Variants in PELI2 observed in about 807,000 individuals in gnomAD.
PELI2 encodes the protein pellino E3 ubiquitin protein ligase family member 2.
Under a neutral mutation model 42.3 loss-of-function variants are expected in PELI2, and 23 were observed. The observed-to-expected ratio is 0.54, with a 90% CI of 0.39 to 0.77. The LOEUF (loss-of-function observed/expected upper bound fraction) is 0.77. PELI2 is among the 30% of genes least tolerant of loss of function. PELI2 has a pLI of 0.00. For missense variants in PELI2, 463 were observed against 553.2 expected (o/e 0.84, Z 1.64); for synonymous variants, 245 against 212.2 (o/e 1.15, Z -1.34).
chr14:56,247,097 A>G (rs1888189335), intron 2 of PELI2, among the ~76,000 whole-genome samples: 1 of 152,198 alleles, frequency 6.6e-6, no homozygotes, highest in South Asian at 2.1e-4. Flanking sequence ...ATGGACCTGT[A>G]GAATTGTGTC....
At chr14:56,128,128 C>A (rs776119711) in intron 1 of PELI2, among the ~76,000 whole-genome samples, 1 of 152,122 alleles carries the variant, frequency 6.6e-6, no homozygotes, top group Non-Finnish European at 1.5e-5. Context: ...TCTAAACATA[C>A]ACACTAAACA....
chr14:56,296,446 G>A (rs988347666), intron 5 of PELI2, among the ~76,000 whole-genome samples, 154 bp from the exon 6 acceptor site: 2 of 152,240 alleles, frequency 1.3e-5, no homozygotes, highest in African/African-American at 4.8e-5. Flanking sequence ...GAGGCTCGGG[G>A]AGGATAGGTT....
At chr14:56,271,226 G>A (rs1255079035) in intron 2 of PELI2, among the ~76,000 whole-genome samples, 6 of 152,134 alleles carry the variant, frequency 3.9e-5, no homozygotes, top group South Asian at 2.1e-4. Context: ...CCGCACGCTC[G>A]CTGTAAACTC....
At chr14:56,238,674 A>C (rs909821905) in intron 2 of PELI2, among the ~76,000 whole-genome samples, 1 of 152,176 alleles carries the variant, frequency 6.6e-6, no homozygotes, top group African/African-American at 2.4e-5. Context: ...AATTTCAGGC[A>C]CTGAATTTGG....
intron 1 of PELI2, among the ~76,000 whole-genome samples, chr14:56,175,903 G>T (rs1885360887): frequency 6.6e-6 from 1 of 152,276 alleles, no homozygotes; most frequent in South Asian, 2.1e-4. Flanking sequence ...GCTTGTCTCT[G>T]TTCTGCTTCC....
At position 56,180,417 on chromosome 14, in the gene PELI2, G is replaced by A. The variant is rs1885536685; in HGVS notation, c.207+1953G>A. On this transcript the variant is annotated intron_variant, in intron 2 of 5. Transcript: ENST00000267460. This position sits in a 1 kb window ranked among gnomAD's most constrained non-coding sequence, Gnocchi z 4.4. Reference sequence around the variant, plus strand: ...TTGAGTAACCAGGTTTTGAGAGAGAGGAGAACTGGAGTATCAACAACAGTG... The same window carrying A: ...TTGAGTAACCAGGTTTTGAGAGAGAAGAGAACTGGAGTATCAACAACAGTG... 6.6e-6 allele frequency among the ~76,000 whole-genome samples: 1 copy of A among 152,150 alleles called. No homozygotes were observed. The highest frequency in any genetic ancestry group is 1.5e-5 in the Non-Finnish European group (1 of 68,032).
chr14:56,128,100 A>G (rs547517185), intron 1 of PELI2, among the ~76,000 whole-genome samples: 7 of 152,328 alleles, frequency 4.6e-5, no homozygotes, highest in African/African-American at 1.2e-4. Flanking sequence ...GCCTGTACAT[A>G]CTAGGAATTA....
chr14:56,125,416 AGGG>A (rs111561963), intron 1 of PELI2, among the ~76,000 whole-genome samples: 1 of 112,144 alleles, frequency 8.9e-6, no homozygotes, highest in Non-Finnish European at 1.8e-5. Context: ...TTGGGTGGGC[AGGG>A]GGGGGGTGAA....
At chr14:56,224,395 T>C (rs1268848975) in intron 2 of PELI2, among the ~76,000 whole-genome samples, 4 of 152,204 alleles carry the variant, frequency 2.6e-5, no homozygotes, top group Non-Finnish European at 5.9e-5. Flanking sequence ...AGTTAATAAG[T>C]TGGAATCTTC....
chr14:56,132,622 C>A (rs1883532819), intron 1 of PELI2, among the ~76,000 whole-genome samples: 1 of 152,136 alleles, frequency 6.6e-6, no homozygotes. Flanking sequence ...CCCTGTTTTT[C>A]CTGTTACCTC....
At chr14:56,125,546 GT>G (rs1263483460) in intron 1 of PELI2, among the ~76,000 whole-genome samples, 1 of 152,028 alleles carries the variant, frequency 6.6e-6, no homozygotes. Flanking sequence ...ACTTCTTTCG[GT>G]TTTTACTTAC....
intron 2 of PELI2, among the ~76,000 whole-genome samples, chr14:56,268,049 A>G (rs754346325): frequency 1.3e-5 from 2 of 152,192 alleles, no homozygotes; most frequent in Non-Finnish European, 1.5e-5. Flanking sequence ...CATGCCAACA[A>G]ACTAGGACTT....
intron 2 of PELI2, among the ~76,000 whole-genome samples, chr14:56,196,364 C>A (rs981423868): frequency 6.6e-6 from 1 of 152,164 alleles, no homozygotes; most frequent in African/African-American, 2.4e-5. Context: ...GCAATTTGAG[C>A]CACAGAAAAC....
At chr14:56,204,286 T>TGGTGGCAGCAAAACTAAAGAGTA (rs573248919) in intron 2 of PELI2, among the ~76,000 whole-genome samples, 10 of 152,296 alleles carry the variant, frequency 6.6e-5, no homozygotes, top group African/African-American at 2.4e-4. Flanking sequence ...TAGACCGAAT[T>TGGTGGCAGCAAAACTAAAGAGTA]GGTGGCAGCA....
intron 1 of PELI2, among the ~76,000 whole-genome samples, chr14:56,150,818 C>CT (rs1372613114): frequency 6.6e-6 from 1 of 152,162 alleles, no homozygotes; most frequent in Non-Finnish European, 1.5e-5. Context: ...GCTCCATCCA[C>CT]TTGGGACAGC....
chr14:56,181,340 CTTT>C (rs57251739), intron 2 of PELI2, among the ~76,000 whole-genome samples: 8 of 97,118 alleles, frequency 8.2e-5, no homozygotes, highest in Non-Finnish European at 1.6e-4. Context: ...CCCTGGTGGA[CTTT>C]TTTTTTTTTT....
chr14:56,283,154 T>C (rs1242652530), intron 3 of PELI2, among the ~76,000 whole-genome samples: 2 of 152,198 alleles, frequency 1.3e-5, no homozygotes, highest in African/African-American at 4.8e-5. Flanking sequence ...TTCCGCACTG[T>C]TGAACAGTCA....
intron 2 of PELI2, among the ~76,000 whole-genome samples, chr14:56,183,598 A>T (rs1350024689): frequency 6.6e-6 from 1 of 152,306 alleles, no homozygotes; most frequent in South Asian, 2.1e-4. Flanking sequence ...ATCTACTGAG[A>T]TGCAAAAATG....
intron 3 of PELI2, among the ~76,000 whole-genome samples, chr14:56,285,937 A>G (rs1889630870): frequency 6.6e-6 from 1 of 152,186 alleles, no homozygotes; most frequent in Non-Finnish European, 1.5e-5. Flanking sequence ...TGTTTGTTAA[A>G]ATACAGAATG....
Sources: allele counts gnomAD v4.1 joint callset (sites outside exome capture counted in the v4.1 genomes callset), GRCh38; gene constraint gnomAD v4.1.1; non-coding constraint Gnocchi (gnomAD v3.1); transcripts MANE v1.5; gene names NCBI Gene and HGNC (gene_info 2026-07-23, HGNC 2026-07-21).